Variants in PLGRKT observed in about 807,000 individuals in gnomAD.
PLGRKT encodes the protein plasminogen receptor with a C-terminal lysine, also known as plasminogen receptor (KT).
A neutral mutation model predicts 18.5 loss-of-function variants in PLGRKT; 22 were observed. The ratio of observed to expected loss-of-function variants is 1.19; its 90% CI spans 0.85 to 1.70. The LOEUF (loss-of-function observed/expected upper bound fraction) is 1.70. PLGRKT is among the 40% of genes most tolerant of loss of function. The pLI is 0.00. For missense variants in PLGRKT, 235 were observed against 174.4 expected (o/e 1.35, Z -1.96); for synonymous variants, 72 against 52.8 (o/e 1.36, Z -1.58).
At chr9:5,421,032 A>C (rs1818566071) in intron 3 of PLGRKT, among the ~76,000 whole-genome samples, 1 of 152,244 alleles carries the variant, frequency 6.6e-6, no homozygotes, top group Non-Finnish European at 1.5e-5. Flanking sequence ...CCATCAGGTC[A>C]CATCACTACT....
At chr9:5,390,807 T>C (rs977495559) in intron 3 of PLGRKT, among the ~76,000 whole-genome samples, 3 of 151,956 alleles carry the variant, frequency 2.0e-5, no homozygotes, top group Non-Finnish European at 2.9e-5. Context: ...GTCAAGTTTA[T>C]AGCTATGCTG....
At chr9:5,383,742 C>T (rs1817788766) in intron 3 of PLGRKT, among the ~76,000 whole-genome samples, 1 of 152,136 alleles carries the variant, frequency 6.6e-6, no homozygotes, top group African/African-American at 2.4e-5. Flanking sequence ...TCTAATACTG[C>T]CCTTGATCTG....
rs116374320 is a variant in PLGRKT at position 5,413,140 on chromosome 9, C to A, written c.81+18757G>T. ...GCCACTTTCAAATTGATAAACCCTT[C>A]TGAAGAGAAACGTAGCAATATCTAA... On this transcript the variant is annotated intron_variant, in intron 3 of 5. Transcript: ENST00000223864. Among the ~76,000 whole-genome samples, 517 of 152,290 alleles carry A rather than the reference C, an allele frequency of 3.4e-3. 1 individual carries two copies. Among genetic ancestry groups the A allele is most frequent in the African/African-American group, 0.011 (453 of 41,552 alleles).
intron 3 of PLGRKT, among the ~76,000 whole-genome samples, chr9:5,424,653 A>ATTC (rs1818653548): frequency 2.2e-5 from 2 of 92,976 alleles, no homozygotes; most frequent in Admixed American, 2.2e-4. Flanking sequence ...ATTATATATA[A>ATTC]TATAATTATA....
intron 3 of PLGRKT, 74 bp downstream of exon 3, chr9:5,431,823 G>T: frequency 1.4e-6 from 1 of 727,988 alleles, no homozygotes; most frequent in Non-Finnish European, 2.5e-6. Flanking sequence ...CAAAGAGAAT[G>T]TACGGCTGGA....
intron 3 of PLGRKT, among the ~76,000 whole-genome samples, chr9:5,368,855 G>C (rs1167343542): frequency 6.6e-6 from 1 of 152,170 alleles, no homozygotes; most frequent in Non-Finnish European, 1.5e-5. Flanking sequence ...AAGCAATGGG[G>C]AAAGGATTCC....
At position 5,390,344 on chromosome 9, in the gene PLGRKT, T is replaced by C. The variant is rs911200762; in HGVS notation, c.82-28456A>G. 1.2e-4 allele frequency among the ~76,000 whole-genome samples: 18 copies of C among 151,656 alleles called. 1 individual carries two copies. Among genetic ancestry groups the C allele is most frequent in the African/African-American group, 3.2e-4 (13 of 41,026 alleles). On this transcript the variant is annotated intron_variant, in intron 3 of 5. Transcript: ENST00000223864. ...GACATGTGACACTTTTATCAGAATT[T>C]ATCAAGGTAGCCTCATGCTGGACCA...
At chr9:5,398,865 A>G (rs1166309077) in intron 3 of PLGRKT, among the ~76,000 whole-genome samples, 1 of 151,856 alleles carries the variant, frequency 6.6e-6, no homozygotes, top group African/African-American at 2.4e-5. Context: ...TTGAGCTAAA[A>G]GAAACTGAGA....
At chr9:5,405,801 T>A (rs1382857476) in intron 3 of PLGRKT, among the ~76,000 whole-genome samples, 1 of 152,116 alleles carries the variant, frequency 6.6e-6, no homozygotes, top group South Asian at 2.1e-4. Flanking sequence ...CAAATGAAAC[T>A]ATCATCAGAG....
At chr9:5,389,022 C>T (rs1817896402) in intron 3 of PLGRKT, among the ~76,000 whole-genome samples, 1 of 151,822 alleles carries the variant, frequency 6.6e-6, no homozygotes, top group Non-Finnish European at 1.5e-5. Flanking sequence ...AAGACATGTA[C>T]CATGGGGAAC....
In PLGRKT at chr9:5,388,330, T is replaced by G. The variant is rs370977196; in HGVS notation, c.82-26442A>C. ...GGGAGAGATCAACTGTGTCAAAAGTTGCTGAGAAATTGGGTGAGATGAGCA... is the reference window on the plus strand; with the variant it reads ...GGGAGAGATCAACTGTGTCAAAAGTGGCTGAGAAATTGGGTGAGATGAGCA... On this transcript the variant is annotated intron_variant, in intron 3 of 5. Transcript: ENST00000223864. Among the ~76,000 whole-genome samples the G allele has an allele frequency of 5.6e-4, 85 of 152,036 alleles. 3 individuals are homozygous for G. Among genetic ancestry groups the G allele is most frequent in the African/African-American group, 1.9e-3 (79 of 41,308 alleles).
chr9:5,364,566 G>C (rs1004096386), intron 3 of PLGRKT, among the ~76,000 whole-genome samples: 1 of 152,186 alleles, frequency 6.6e-6, no homozygotes, highest in Non-Finnish European at 1.5e-5. Flanking sequence ...AAAATAATCT[G>C]ACTGTGCTAC....
intron 3 of PLGRKT, among the ~76,000 whole-genome samples, chr9:5,382,638 C>T (rs987490376): frequency 9.2e-5 from 14 of 152,142 alleles, no homozygotes. Context: ...TGTTAGACTT[C>T]GTGGGGAGCC....
chr9:5,438,042 G>A (rs1818997349), upstream of PLGRKT, among the ~76,000 whole-genome samples: 1 of 152,210 alleles, frequency 6.6e-6, no homozygotes, highest in East Asian at 1.9e-4. Flanking sequence ...GGTCAAAAGA[G>A]GCAAATTCAA....
At chr9:5,363,164 G>A (rs932823319) in intron 3 of PLGRKT, among the ~76,000 whole-genome samples, 1 of 151,834 alleles carries the variant, frequency 6.6e-6, no homozygotes, top group Non-Finnish European at 1.5e-5. Flanking sequence ...GCCAGTGGCT[G>A]GGTGGGGAAG....
chr9:5,399,690 TG>T (rs1818118978), intron 3 of PLGRKT, among the ~76,000 whole-genome samples: 1 of 151,744 alleles, frequency 6.6e-6, no homozygotes, highest in Non-Finnish European at 1.5e-5. Context: ...AAGCAAAATA[TG>T]GAATTAAAAT....
rs761353486 is a variant in PLGRKT, at chr9:5,405,482, C to G, written c.81+26415G>C. On this transcript the variant is annotated intron_variant, in intron 3 of 5. Coordinates refer to ENST00000223864, the MANE Select transcript of PLGRKT (RefSeq NM_018465.4). Reference sequence around the variant, plus strand: ...ATATCTACAACTGTCTGATCTTTGACAAACCTGACAAAAACAAGCAATGGG... The same window carrying G: ...ATATCTACAACTGTCTGATCTTTGAGAAACCTGACAAAAACAAGCAATGGG... 3.3e-5 allele frequency among the ~76,000 whole-genome samples: 5 copies of G among 152,174 alleles called. No homozygotes were observed. The East Asian group carries it at 5.8e-4, about 18-fold the overall frequency.
chr9:5,374,583 T>C (rs373365705), intron 3 of PLGRKT, among the ~76,000 whole-genome samples: 40 of 152,270 alleles, frequency 2.6e-4, no homozygotes, highest in East Asian at 2.1e-3. Context: ...TCACATGAAA[T>C]TGGGTTCAAA....
intron 3 of PLGRKT, among the ~76,000 whole-genome samples, chr9:5,376,336 C>T (rs958774228): frequency 1.4e-4 from 21 of 152,164 alleles, no homozygotes; most frequent in African/African-American, 5.1e-4. Flanking sequence ...CTGGGCCTTG[C>T]AACCAGACTG....
Sources: allele counts gnomAD v4.1 joint callset (sites outside exome capture counted in the v4.1 genomes callset), GRCh38; gene constraint gnomAD v4.1.1; transcripts MANE v1.5; gene names NCBI Gene and HGNC (gene_info 2026-07-23, HGNC 2026-07-21).